The following TRAPPC10 variants were observed in gnomAD, a reference collection of about 807,000 sequenced individuals.
TRAPPC10 encodes TRAPP 130 kDa subunit.
A neutral mutation model predicts 125.5 loss-of-function variants in TRAPPC10; 23 were observed. The observed-to-expected ratio is 0.18, with a 90% CI of 0.13 to 0.26. The LOEUF is 0.26. Ranked by LOEUF, TRAPPC10 falls within the 10% of genes least tolerant of loss-of-function variation. TRAPPC10 has a pLI of 1.00. For synonymous variants in TRAPPC10, 509 were observed against 518.0 expected, an observed-to-expected ratio of 0.98 and a Z score of 0.24; for missense variants, 1,123 against 1,308.4, an observed-to-expected ratio of 0.86 and a Z score of 2.19.
Position 44,087,689 on chromosome 21 carries a change from T to C in TRAPPC10, c.2540-10T>C. 1.2e-6 allele frequency: 2 copies of C among 1,611,758 alleles called. No homozygotes were observed. Among genetic ancestry groups the C allele is most frequent in the Non-Finnish European group, 1.7e-6 (2 of 1,179,596 alleles). On this transcript the variant is annotated splice_polypyrimidine_tract_variant and intron_variant, in intron 16 of 22. Transcript: ENST00000291574. The surrounding 1 kb of genome is among the most constrained non-coding windows in gnomAD (Gnocchi z 4.6). ...AACAGCTTTGAAGTGACTTTTTCTG[T>C]CCTTCGTAGAACAGTCTTCTGAGGC...
chr21:44,094,197 G>A lies in TRAPPC10; in HGVS notation c.3132G>A (p.Lys1044=). The A allele has an allele frequency of 5.6e-6, 9 of 1,613,898 alleles. No homozygotes were observed. The highest frequency in any genetic ancestry group is 7.6e-6 in the Non-Finnish European group (9 of 1,179,974). ...AGGAACAGCTGTCTATCTCCTTAAAGCCGTATACTTATGAATTTAAAGTGG... is the reference window on the plus strand; with the variant it reads ...AGGAACAGCTGTCTATCTCCTTAAAACCGTATACTTATGAATTTAAAGTGG... ...ASEEQLSISL[K]PYTYEFKVEN... The change falls in exon 20 of 23, where the codon AAG becomes AAA. Residue 1044 remains lysine (K), a synonymous_variant. Coordinates refer to ENST00000291574, the MANE Select transcript of TRAPPC10 (RefSeq NM_003274.5).
chr21:44,039,087 G>A (rs1005128587), intron 3 of TRAPPC10, among the ~76,000 whole-genome samples: 15 of 152,330 alleles, frequency 9.8e-5, no homozygotes, highest in African/African-American at 3.6e-4. Context: ...GAGTTGTCCG[G>A]TTCCTCCCTG....
Position 44,059,407 on chromosome 21 carries a change from C to A in TRAPPC10, c.790+193C>A. 1 of 701,876 alleles carries A rather than the reference C, an allele frequency of 1.4e-6. No homozygotes were observed. Among genetic ancestry groups the A allele is most frequent in the Non-Finnish European group, 2.6e-6 (1 of 382,050 alleles). The allele number at this position is 701,876 out of a possible 1,614,324, so 43.5% of individuals were successfully genotyped here. On this transcript the variant is annotated intron_variant, in intron 6 of 22. Transcript: ENST00000291574. The surrounding 1 kb of genome is among the most constrained non-coding windows in gnomAD (Gnocchi z 4.4). Reference sequence around the variant, plus strand: ...GAGAATTAAGAATTAGTCATTTTCACTTTTAGAAGAATCTTAAGTAACAAA... The same window carrying A: ...GAGAATTAAGAATTAGTCATTTTCAATTTTAGAAGAATCTTAAGTAACAAA...
At chr21:44,031,190 A>G (rs1292554640) in intron 1 of TRAPPC10, among the ~76,000 whole-genome samples, 2 of 152,206 alleles carry the variant, frequency 1.3e-5, no homozygotes, top group Non-Finnish European at 2.9e-5. Context: ...TTTGATAGCA[A>G]AATAAGCAGA....
rs770091480 is a variant in TRAPPC10 at position 44,087,776 on chromosome 21, T to C, written c.2617T>C (p.Tyr873His). 1.2e-6 allele frequency: 2 copies of C among 1,614,232 alleles called. No individual in the cohort carries two copies. The highest frequency in any genetic ancestry group is 2.2e-5 in the South Asian group (2 of 91,088). The change falls in exon 17 of 23, where the codon TAC becomes CAC. Residue 873 changes from tyrosine (Y) to histidine (H), a missense_variant. Tyr to His is a moderately conservative substitution (Grantham distance 83). Coordinates refer to ENST00000291574, the MANE Select transcript of TRAPPC10 (RefSeq NM_003274.5). The surrounding 1 kb of genome is among the most constrained non-coding windows in gnomAD (Gnocchi z 4.6). Reference sequence around the variant, plus strand: ...CATCAGTCTGCCTGTTGCGCCTGCGTACCACGTGATCGAATTTGAACTGGA... The same window carrying C: ...CATCAGTCTGCCTGTTGCGCCTGCGCACCACGTGATCGAATTTGAACTGGA... ...TSISLPVAPA[Y>H]HVIEFELEVL...
intron 7 of TRAPPC10, among the ~76,000 whole-genome samples, chr21:44,070,502 G>A (rs1298034491): frequency 6.6e-6 from 1 of 152,230 alleles, no homozygotes; most frequent in Non-Finnish European, 1.5e-5. Context: ...TCTCAGGGCA[G>A]AGCGGAGGCT....
chr21:44,029,049 T>G (rs1195856745), intron 1 of TRAPPC10, among the ~76,000 whole-genome samples: 2 of 152,222 alleles, frequency 1.3e-5, no homozygotes, highest in Admixed American at 1.3e-4. Context: ...CAAGATTGAA[T>G]TCTTTTGGGC....
intron 11 of TRAPPC10, 150 bp from the exon 12 acceptor site, chr21:44,079,414 A>T: frequency 1.3e-6 from 1 of 752,056 alleles, no homozygotes; most frequent in Non-Finnish European, 2.0e-6. Context: ...TTTCTCACGG[A>T]GTGGGGTGGG....
chr21:44,028,307 T>C (rs1436216809), intron 1 of TRAPPC10, among the ~76,000 whole-genome samples: 2 of 152,224 alleles, frequency 1.3e-5, no homozygotes, highest in Non-Finnish European at 2.9e-5. Flanking sequence ...ACCCCAGAGC[T>C]CTGCCCCGCT....
chr21:44,069,466 A>G (rs1034204270), intron 7 of TRAPPC10, among the ~76,000 whole-genome samples: 1 of 152,214 alleles, frequency 6.6e-6, no homozygotes, highest in African/African-American at 2.4e-5. Context: ...GTACCAGCAC[A>G]CACCACCAGA....
rs377480749 is a variant in TRAPPC10 at position 44,023,336 on chromosome 21, A to G, written c.68-8755A>G. ...AGATGTGAGCCACCGCGCCCGGCCT[A>G]TGTAACCATTTTCAAAGTGAGTTGG... On this transcript the variant is annotated intron_variant, in intron 1 of 22. Coordinates refer to ENST00000291574, the MANE Select transcript of TRAPPC10 (RefSeq NM_003274.5). Among the ~76,000 whole-genome samples the G allele has an allele frequency of 3.9e-4, 60 of 152,036 alleles. 1 individual carries two copies. Among genetic ancestry groups the G allele is most frequent in the African/African-American group, 1.3e-3 (55 of 41,432 alleles).
intron 3 of TRAPPC10, among the ~76,000 whole-genome samples, chr21:44,050,510 C>G (rs1354844902): frequency 6.6e-6 from 1 of 152,096 alleles, no homozygotes; most frequent in Admixed American, 6.6e-5. Context: ...TGGGGTCAGC[C>G]GGGTGCTATG....
chr21:44,026,533 G>A (rs1356964355), intron 1 of TRAPPC10, among the ~76,000 whole-genome samples: 2 of 152,238 alleles, frequency 1.3e-5, no homozygotes, highest in African/African-American at 2.4e-5. Flanking sequence ...TCCTAGGCTT[G>A]AAGACGGTGC....
At chr21:44,016,521 A>T (rs1444124665) in intron 1 of TRAPPC10, among the ~76,000 whole-genome samples, 3 of 152,024 alleles carry the variant, frequency 2.0e-5, no homozygotes, top group Non-Finnish European at 4.4e-5. Flanking sequence ...CATTTTTCTG[A>T]GTTTCTGTAT....
chr21:44,059,915 G>A lies in TRAPPC10; in HGVS notation c.790+701G>A, dbSNP rs190646856. On this transcript the variant is annotated intron_variant, in intron 6 of 22. Transcript: ENST00000291574. The surrounding 1 kb of genome is among the most constrained non-coding windows in gnomAD (Gnocchi z 4.4). ...TCCATTACCTGGTGTTGGACATTGG[G>A]TTCTTTTATGCTTCTTGCCACCACA... 1 of 173,094 alleles carries A rather than the reference G, an allele frequency of 5.8e-6. No individual in the cohort carries two copies. Among genetic ancestry groups the A allele is most frequent in the Non-Finnish European group, 1.2e-5 (1 of 81,542 alleles). The allele number at this position is 173,094 out of a possible 1,614,324, so 10.7% of individuals were successfully genotyped here. A position where few individuals can be genotyped will look rare whatever the true frequency, so the allele number is the denominator to read the frequency against.
chr21:44,048,353 C>A (rs2034998781), intron 3 of TRAPPC10, among the ~76,000 whole-genome samples: 1 of 152,136 alleles, frequency 6.6e-6, no homozygotes, highest in South Asian at 2.1e-4. Flanking sequence ...TGGTGGGCAC[C>A]CAGAGGGCTT....
At chr21:44,043,933 C>T (rs557098242) in intron 3 of TRAPPC10, among the ~76,000 whole-genome samples, 61 of 152,182 alleles carry the variant, frequency 4.0e-4, no homozygotes, top group Non-Finnish European at 7.5e-4. Context: ...AGCCTCAACA[C>T]GCCACTGACA....
chr21:44,087,055 G>C lies in TRAPPC10; in HGVS notation c.2539+95G>C. ...AGCCTGGCCTTGCTGCCATCCTGCT[G>C]AGCGCCCCTCAACAGTGTCTGGAGT... On this transcript the variant is annotated intron_variant, in intron 16 of 22. Coordinates refer to ENST00000291574, the MANE Select transcript of TRAPPC10 (RefSeq NM_003274.5). The surrounding 1 kb of genome is among the most constrained non-coding windows in gnomAD (Gnocchi z 4.6). 1 of 1,445,452 alleles carries C rather than the reference G, an allele frequency of 6.9e-7. No individual in the cohort carries two copies. Among genetic ancestry groups the C allele is most frequent in the Middle Eastern group, 2.4e-4 (1 of 4,134 alleles). 89.5% of individuals were successfully genotyped at this position (1,445,452 alleles called of 1,614,324 possible).
chr21:44,025,162 G>A (rs891561322), intron 1 of TRAPPC10, among the ~76,000 whole-genome samples: 2 of 152,198 alleles, frequency 1.3e-5, no homozygotes, highest in Admixed American at 1.3e-4. Context: ...CCTGCAGGGC[G>A]GGTTGCTGGG....
Sources: gnomAD v4.1 joint callset for allele counts (sites outside exome capture counted in the v4.1 genomes callset) on GRCh38, gnomAD v4.1.1 for gene constraint, Gnocchi (gnomAD v3.1) non-coding constraint, MANE v1.5 for transcripts, NCBI Gene and HGNC (gene_info 2026-07-23, HGNC 2026-07-21) for gene names.